SPTBN2: variants seen among roughly 807,000 people sequenced by gnomAD.
SPTBN2 encodes spectrin beta chain, non-erythrocytic 2.
In SPTBN2, 107 loss-of-function variants were observed where a neutral mutation model predicts 284.2. That is an observed-to-expected ratio of 0.38 (90% confidence interval 0.32 to 0.44). SPTBN2 has a LOEUF of 0.44. Ranked by LOEUF, SPTBN2 falls within the 20% of genes least tolerant of loss-of-function variation. The pLI, the probability that SPTBN2 is intolerant of heterozygous loss-of-function variation, is 1.00. For synonymous variants in SPTBN2, 1,289 were observed against 1,354.8 expected (o/e 0.95, Z 1.07); for missense variants, 2,569 against 3,287.1 (o/e 0.78, Z 5.34).
intron 5 of SPTBN2, 86 bp from the exon 6 acceptor site, chr11:66,714,493 G>T: frequency 8.3e-7 from 1 of 1,208,794 alleles, no homozygotes; most frequent in Non-Finnish European, 1.2e-6. Context: ...GCAGGAAACT[G>T]CTCTTTAGAC....
intron 8 of SPTBN2, among the ~76,000 whole-genome samples, chr11:66,711,921 A>G (rs1565146989): frequency 6.6e-6 from 1 of 152,246 alleles, no homozygotes; most frequent in South Asian, 2.1e-4. Flanking sequence ...GGCTACAGGT[A>G]GAATGGAAAA....
At position 66,688,951 on chromosome 11, in the gene SPTBN2, C is replaced by T; in HGVS notation, c.6035-102G>A. On this transcript the variant is annotated intron_variant, in intron 30 of 37. Transcript: ENST00000533211. ...AAGAACAGGGACACAGAGAAAGCCACTGCCCCAGAGCTGTGCCAGGCAGCA... is the reference window on the plus strand; with the variant it reads ...AAGAACAGGGACACAGAGAAAGCCATTGCCCCAGAGCTGTGCCAGGCAGCA... 1.3e-6 allele frequency: 2 copies of T among 1,513,382 alleles called. 1 individual carries two copies. The highest frequency in any genetic ancestry group is 4.6e-5 in the East Asian group (2 of 43,688). The allele number at this position is 1,513,382 out of a possible 1,614,324, so 93.7% of individuals were successfully genotyped here. A position where few individuals can be genotyped will look rare whatever the true frequency, so the allele number is the denominator to read the frequency against.
intron 15 of SPTBN2, among the ~76,000 whole-genome samples, chr11:66,703,486 A>G (rs1387846502): frequency 6.6e-6 from 1 of 151,808 alleles, no homozygotes; most frequent in Admixed American, 6.6e-5. Context: ...TAATCCCAGT[A>G]CTTTGGGAGG....
intron 26 of SPTBN2, 113 bp downstream of exon 26, chr11:66,692,423 T>C: frequency 7.8e-7 from 1 of 1,289,342 alleles, no homozygotes; most frequent in South Asian, 1.2e-5. Flanking sequence ...CTGCTCAGCC[T>C]GGTCTTGCCC....
chr11:66,722,107 G>A (rs1304256050), intron 1 of SPTBN2, among the ~76,000 whole-genome samples: 1 of 152,184 alleles, frequency 6.6e-6, no homozygotes, highest in African/African-American at 2.4e-5. Context: ...GGAGGACACA[G>A]TATGCTTCTC....
chr11:66,715,407 C>T lies in SPTBN2; in HGVS notation c.310-12G>A, dbSNP rs373735852. On this transcript the variant is annotated splice_polypyrimidine_tract_variant and intron_variant, in intron 4 of 37. Coordinates refer to ENST00000533211, the MANE Select transcript of SPTBN2 (RefSeq NM_006946.4). This position sits in a 1 kb window ranked among gnomAD's most constrained non-coding sequence, Gnocchi z 5.3. ...TTTGTAGGCTTTGGCTGTGGAGGGA[C>T]GGGGGCAAAATGGCACGGGACTGTG... is the stretch of plus-strand genomic sequence containing the variant. 9.4e-5 allele frequency: 151 copies of T among 1,605,838 alleles called. No individual in the cohort carries two copies. The highest frequency in any genetic ancestry group is 1.2e-4 in the Non-Finnish European group (139 of 1,174,142).
rs1417017442 is a variant in SPTBN2, at chr11:66,707,320, TCATCAGC to T, written c.1653+189_1653+195del. Reference sequence around the variant, plus strand: ...TTTACGGAAAGGTCCGTGGGTTTTGTCATCAGCCTCCTCCATGTGGACACGAACCCCA... The same window carrying T: ...TTTACGGAAAGGTCCGTGGGTTTTGTCTCCTCCATGTGGACACGAACCCCA... On this transcript the variant is annotated intron_variant, in intron 13 of 37. Coordinates refer to ENST00000533211, the MANE Select transcript of SPTBN2 (RefSeq NM_006946.4). The surrounding 1 kb of genome is among the most constrained non-coding windows in gnomAD (Gnocchi z 4.9). 7.9e-5 allele frequency among the ~76,000 whole-genome samples: 12 copies of T among 152,362 alleles called. No individual in the cohort carries two copies. The highest frequency in any genetic ancestry group is 2.9e-4 in the African/African-American group (12 of 41,588).
At chr11:66,744,565 G>C in exon 1 of SPTBN2, 1 of 206,572 alleles carries the variant, frequency 4.8e-6, no homozygotes, top group African/African-American at 2.3e-5. Flanking sequence ...CGCCTCTCGC[G>C]GGCTCTTCCC....
At position 66,694,139 on chromosome 11, in the gene SPTBN2, A is replaced by T. The variant is rs1940754632; in HGVS notation, c.4503T>A (p.Ile1501=). 1 of 1,605,374 alleles carries T rather than the reference A, an allele frequency of 6.2e-7. No homozygotes were observed. Among genetic ancestry groups the T allele is most frequent in the African/African-American group, 1.3e-5 (1 of 74,906 alleles). The stretch of plus-strand genomic sequence containing the variant: ...GCCGTCCTTGGCCCCAGTGACTCAC[A>T]ATCTCATCTTCCACATCGCGGTGGA... ...HQFHRDVEDE[I]LWVTERLPMA... Residue 1501 remains isoleucine (I), a splice_region_variant and synonymous_variant, in exon 22 of 38, where the codon ATT becomes ATA. Transcript: ENST00000533211.
At chr11:66,695,447 T>A (rs1940850619) in intron 21 of SPTBN2, among the ~76,000 whole-genome samples, 1 of 151,934 alleles carries the variant, frequency 6.6e-6, no homozygotes, top group Non-Finnish European at 1.5e-5. Context: ...TTTGTAGAGA[T>A]GGGGTTTTGC....
chr11:66,707,825 C>CG lies in SPTBN2; in HGVS notation c.1351-8dup. 1 of 1,607,654 alleles carries CG rather than the reference C, an allele frequency of 6.2e-7. No homozygotes were observed. The highest frequency in any genetic ancestry group is 8.5e-7 in the Non-Finnish European group (1 of 1,179,798). Reference sequence around the variant, plus strand: ...GCTCCAGCCCAAAGTTGTCCTGTGTCGGGGGCAGGGAGAGGAGGTGTGGGG... The same window carrying CG: ...GCTCCAGCCCAAAGTTGTCCTGTGTCGGGGGGCAGGGAGAGGAGGTGTGGGG... On this transcript the variant is annotated splice_region_variant and splice_polypyrimidine_tract_variant and intron_variant, in intron 12 of 37. Coordinates refer to ENST00000533211, the MANE Select transcript of SPTBN2 (RefSeq NM_006946.4). The surrounding 1 kb of genome is among the most constrained non-coding windows in gnomAD (Gnocchi z 4.9).
chr11:66,683,833 C>T lies in SPTBN2; in HGVS notation c.*2038G>A, dbSNP rs761856172. Among the ~76,000 whole-genome samples the T allele has an allele frequency of 2.4e-4, 36 of 152,196 alleles. No homozygotes were observed. The highest frequency in any genetic ancestry group is 2.5e-4 in the Non-Finnish European group (17 of 68,038). ...GCTTGGAGTGCAAATACCTAGATTC[C>T]CTGAGCACCCCCAAGGTATGACTGT... is the stretch of plus-strand genomic sequence containing the variant. On this transcript the variant is annotated 3_prime_UTR_variant, in exon 38 of 38. Coordinates refer to ENST00000533211, the MANE Select transcript of SPTBN2 (RefSeq NM_006946.4).
intron 1 of SPTBN2, among the ~76,000 whole-genome samples, chr11:66,738,372 G>A (rs1942870239): frequency 6.6e-6 from 1 of 152,188 alleles, no homozygotes; most frequent in Non-Finnish European, 1.5e-5. Flanking sequence ...AGGTAAAATG[G>A]GAAAAGAATA....
chr11:66,730,103 G>C (rs1400876285), upstream of SPTBN2, among the ~76,000 whole-genome samples: 1 of 152,064 alleles, frequency 6.6e-6, no homozygotes, highest in African/African-American at 2.4e-5. Flanking sequence ...TGCCAGGCCT[G>C]AGGCTATTTA....
chr11:66,709,458 A>G (rs1392133510), intron 10 of SPTBN2, among the ~76,000 whole-genome samples: 1 of 152,242 alleles, frequency 6.6e-6, no homozygotes, highest in Non-Finnish European at 1.5e-5. Context: ...GATTACAGGC[A>G]TGAGCCACGG....
chr11:66,692,325 T>A (rs567182600), intron 26 of SPTBN2, among the ~76,000 whole-genome samples: 1 of 152,134 alleles, frequency 6.6e-6, no homozygotes, highest in African/African-American at 2.4e-5. Flanking sequence ...AATCCTCCCA[T>A]CTCAGCCTCC....
chr11:66,735,267 A>C (rs2084346897), intron 1 of SPTBN2, among the ~76,000 whole-genome samples: 1 of 151,958 alleles, frequency 6.6e-6, no homozygotes, highest in African/African-American at 2.4e-5. Flanking sequence ...CAGGAGGCAG[A>C]AGTTGCAGTG....
rs1156408933 is a variant in SPTBN2, at chr11:66,718,093, TCCACCTCAGAGG to T, written c.158-2124_158-2113del. Among the ~76,000 whole-genome samples, 1 of 152,078 alleles carries T rather than the reference TCCACCTCAGAGG, an allele frequency of 6.6e-6. No individual in the cohort carries two copies. Among genetic ancestry groups the T allele is most frequent in the Non-Finnish European group, 1.5e-5 (1 of 67,986 alleles). ...CCAGCGCTCCACCGCCAGATCCGGA[TCCACCTCAGAGG>T]CACTGCTGGCGCCTCCCCAGGTGCT... On this transcript the variant is annotated intron_variant, in intron 3 of 37. Coordinates refer to ENST00000533211, the MANE Select transcript of SPTBN2 (RefSeq NM_006946.4). The surrounding 1 kb of genome is among the most constrained non-coding windows in gnomAD (Gnocchi z 4.8).
Position 66,710,828 on chromosome 11 carries a change from T to C in SPTBN2, c.886-59A>G, listed in dbSNP as rs930425833. ...AGCCACAGGGTCCCTGGCCCAGTCC[T>C]GCAGCTCCACCCTGCCCTTGCACTA... On this transcript the variant is annotated intron_variant, in intron 9 of 37. Transcript: ENST00000533211. This position sits in a 1 kb window ranked among gnomAD's most constrained non-coding sequence, Gnocchi z 4.9. 2 of 1,611,936 alleles carry C rather than the reference T, an allele frequency of 1.2e-6. No individual in the cohort carries two copies. Among genetic ancestry groups the C allele is most frequent in the Non-Finnish European group, 1.7e-6 (2 of 1,178,892 alleles).
Sources: gnomAD v4.1 joint callset for allele counts (sites outside exome capture counted in the v4.1 genomes callset) on GRCh38, gnomAD v4.1.1 for gene constraint, Gnocchi (gnomAD v3.1) non-coding constraint, MANE v1.5 for transcripts, NCBI Gene and HGNC (gene_info 2026-07-23, HGNC 2026-07-21) for gene names.